Variants in HAP1 observed in about 807,000 individuals in gnomAD.
HAP1 encodes huntingtin-associated protein 1.
Under a neutral mutation model 60.3 loss-of-function variants are expected in HAP1, and 59 were observed. That is an observed-to-expected ratio of 0.98 (90% confidence interval 0.79 to 1.22). The LOEUF is 1.22. Ranked by LOEUF, HAP1 falls within the 50% of genes most tolerant of loss-of-function variation. HAP1 has a pLI of 0.00. For synonymous variants in HAP1, 346 were observed against 330.6 expected, an observed-to-expected ratio of 1.05 and a Z score of -0.50; for missense variants, 825 against 785.3, an observed-to-expected ratio of 1.05 and a Z score of -0.60.
At chr17:41,731,405 T>TCCTAGCTGTG in intron 6 of HAP1, 88 bp downstream of exon 6, 1 of 911,078 alleles carries the variant, frequency 1.1e-6, no homozygotes, top group Non-Finnish European at 1.9e-6. Flanking sequence ...GATCTGGGAC[T>TCCTAGCTGTG]TGAACTTGGA....
Position 41,724,474 on chromosome 17 carries a change from G to T in HAP1, c.*227C>A. The T allele has an allele frequency of 1.8e-6, 1 of 555,208 alleles. No individual in the cohort carries two copies. Among genetic ancestry groups the T allele is most frequent in the South Asian group, 2.5e-5 (1 of 40,388 alleles). The allele number at this position is 555,208 out of a possible 1,614,324, so 34.4% of individuals were successfully genotyped here. A position where few individuals can be genotyped will look rare whatever the true frequency, so the allele number is the denominator to read the frequency against. On this transcript the variant is annotated 3_prime_UTR_variant, in exon 11 of 11. Transcript: ENST00000347901. ...GATGGGAAGCTGAGGCGCAGTGTGGGGGCACAGTCCCAGCCCTAACCCCCA... is the reference window on the plus strand; with the variant it reads ...GATGGGAAGCTGAGGCGCAGTGTGGTGGCACAGTCCCAGCCCTAACCCCCA...
intron 9 of HAP1, 62 bp downstream of exon 9, chr17:41,726,990 AC>A (rs1412897811): frequency 4.0e-5 from 33 of 828,836 alleles, no homozygotes; most frequent in Non-Finnish European, 2.4e-5. Context: ...GTGAGGGCAA[AC>A]CCCCTCCCCA....
Position 41,732,753 on chromosome 17 carries a change from T to A in HAP1, c.515A>T (p.Glu172Val), listed in dbSNP as rs370524899. The A allele has an allele frequency of 5.6e-6, 9 of 1,613,228 alleles. No individual in the cohort carries two copies. In the African/African-American group the frequency reaches 1.2e-4, roughly 22 times the overall value. Reference protein sequence around the residue: ...LPPPVKKITQEDVKVMLYLLE... With the variant: ...LPPPVKKITQVDVKVMLYLLE... Reference sequence around the variant, plus strand: ...CAAATATAACATCACTTTGACGTCTTCCTGGGTGATCTTTTTGACTGGCGG... The same window carrying A: ...CAAATATAACATCACTTTGACGTCTACCTGGGTGATCTTTTTGACTGGCGG... Residue 172 changes from glutamate (E) to valine (V), a missense_variant, in exon 2 of 11, where the codon GAA (glutamate) becomes GTA (valine). Glu to Val is a moderately radical substitution (Grantham distance 121). Transcript: ENST00000347901.
intron 6 of HAP1, among the ~76,000 whole-genome samples, chr17:41,729,462 A>G (rs1469226822): frequency 1.4e-5 from 2 of 144,410 alleles, no homozygotes; most frequent in South Asian, 2.2e-4. Context: ...AGGCAGGAGA[A>G]TCGCTTAAAC....
At chr17:41,728,377 A>AG in intron 6 of HAP1, 46 bp from the exon 7 acceptor site, 1 of 1,597,866 alleles carries the variant, frequency 6.3e-7, no homozygotes, top group Non-Finnish European at 8.5e-7. Context: ...CCTGGCCTTC[A>AG]GGGACCAGCT....
At chr17:41,728,083 TCTCTGA>T (rs1215917176) in intron 7 of HAP1, 112 bp downstream of exon 7, 27 of 1,216,644 alleles carry the variant, frequency 2.2e-5, no homozygotes, top group Non-Finnish European at 3.0e-5. Flanking sequence ...CTCTCTGAGG[TCTCTGA>T]CTCTGACACA....
chr17:41,734,138 G>A, intron 1 of HAP1, 28 bp downstream of exon 1: 3 of 1,532,050 alleles, frequency 2.0e-6, no homozygotes, highest in Non-Finnish European at 2.6e-6. Context: ...GTCCCCACCC[G>A]GTCCAGGACC....
At position 41,732,023 on chromosome 17, in the gene HAP1, C is replaced by T. The variant is rs1555591187; in HGVS notation, c.810G>A (p.Glu270=). 5 of 1,521,336 alleles carry T rather than the reference C, an allele frequency of 3.3e-6. No individual in the cohort carries two copies. The South Asian group carries it at 3.4e-5, about 10-fold the overall frequency. 94.2% of individuals were successfully genotyped at this position (1,521,336 alleles called of 1,614,324 possible). ...DEEDEDEEEE[E]EEKEAEEEQE... ...GTTCCTCTTCTGCCTCCTTTTCTTC[C>T]TCCTCCTCTTCTTCATCCTCATCCT... The change falls in exon 4 of 11, where the codon GAG becomes GAA. Residue 270 remains glutamate (E), a synonymous_variant. Transcript: ENST00000347901.
chr17:41,725,725 A>G (rs1334415665), intron 10 of HAP1, 134 bp downstream of exon 10: 1 of 747,288 alleles, frequency 1.3e-6, no homozygotes, highest in East Asian at 2.5e-5. Context: ...TCCTTCCCAG[A>G]ACAGTTCTCA....
chr17:41,729,646 C>T (rs1452661071), intron 6 of HAP1, among the ~76,000 whole-genome samples: 3 of 137,132 alleles, frequency 2.2e-5, no homozygotes, highest in African/African-American at 8.3e-5. Context: ...GAGGCCAAGG[C>T]GGGAGGATCA....
rs564743743 is a variant in HAP1, at chr17:41,729,771, G to C, written c.1070-1440C>G. On this transcript the variant is annotated intron_variant, in intron 6 of 10. Transcript: ENST00000347901. Reference sequence around the variant, plus strand: ...CAGGCCTGTAATCCCAGCTACTCAGGAGGCTGAGGCAGGAGAATCACTTGA... The same window carrying C: ...CAGGCCTGTAATCCCAGCTACTCAGCAGGCTGAGGCAGGAGAATCACTTGA... Among the ~76,000 whole-genome samples, 21 of 149,660 alleles carry C rather than the reference G, an allele frequency of 1.4e-4. 1 individual carries two copies. In the South Asian group the frequency reaches 3.9e-3, roughly 28 times the overall value.
chr17:41,734,558 G>A lies in HAP1; in HGVS notation c.77C>T (p.Ala26Val), dbSNP rs1025612246. ...AGCGGGACTGGCTGAGGGCGAAGGT[G>A]CACAGGTGAGTGCTGCTGGGTCCCC... ...GPGDPAALTC[A>V]PSPSASPAPE... is the part of the protein sequence containing the mutation. The change falls in exon 1 of 11, where the codon GCA (alanine) becomes GTA (valine). Residue 26 changes from alanine to valine, a missense_variant. By Grantham distance (64) the Ala-to-Val change is moderately conservative. Coordinates refer to ENST00000347901, the MANE Select transcript of HAP1 (RefSeq NM_177977.3). 6 of 1,607,316 alleles carry A rather than the reference G, an allele frequency of 3.7e-6. No individual in the cohort carries two copies. Among genetic ancestry groups the A allele is most frequent in the Non-Finnish European group, 5.1e-6 (6 of 1,178,464 alleles).
At position 41,724,885 on chromosome 17, in the gene HAP1, G is replaced by A. The variant is rs746342307; in HGVS notation, c.1676C>T (p.Ala559Val). ...EATRMNVVTS[A>V]LEASGLGPSH... Reference sequence around the variant, plus strand: ...AGGGCCCAAGCCGCTGGCCTCCAGGGCTGATGTCACCACGTTCATCCGCGT... The same window carrying A: ...AGGGCCCAAGCCGCTGGCCTCCAGGACTGATGTCACCACGTTCATCCGCGT... Residue 559 changes from alanine (A) to valine (V), a missense_variant, in exon 11 of 11, where the codon GCC (alanine) becomes GTC (valine). Physicochemically the swap from Ala to Val is moderately conservative, Grantham distance 64 (BLOSUM62 0). Transcript: ENST00000347901. 5.0e-6 allele frequency: 8 copies of A among 1,613,590 alleles called. No homozygotes were observed. The African/African-American group carries it at 6.7e-5, about 13-fold the overall frequency.
chr17:41,730,720 A>G (rs1029344714), intron 6 of HAP1, among the ~76,000 whole-genome samples: 4 of 152,090 alleles, frequency 2.6e-5, no homozygotes, highest in African/African-American at 7.2e-5. Context: ...CACCAGCTAC[A>G]CTTGAACTCC....
intron 6 of HAP1, 69 bp from the exon 7 acceptor site, chr17:41,728,400 G>A: frequency 6.8e-7 from 1 of 1,480,182 alleles, no homozygotes; most frequent in South Asian, 1.2e-5. Context: ...GGCCCTCCCA[G>A]ATGCCTCTGT....
At chr17:41,721,226 A>G (rs565593012), downstream of HAP1, 1 of 152,478 alleles carries the variant, frequency 6.6e-6, no homozygotes, top group East Asian at 1.9e-4. Flanking sequence ...TATTTTTACT[A>G]TTCATATAAA....
intron 9 of HAP1, among the ~76,000 whole-genome samples, chr17:41,726,562 A>T (rs1384159984): frequency 6.7e-6 from 1 of 148,740 alleles, no homozygotes; most frequent in Admixed American, 6.7e-5. Flanking sequence ...ACTCGTCTCA[A>T]AAAAAAAAAA....
Position 41,724,504 on chromosome 17 carries a change from A to C in HAP1, c.*197T>G. 1 of 581,334 alleles carries C rather than the reference A, an allele frequency of 1.7e-6. No individual in the cohort carries two copies. 36.0% of individuals were successfully genotyped at this position (581,334 alleles called of 1,614,324 possible). On this transcript the variant is annotated 3_prime_UTR_variant, in exon 11 of 11. Transcript: ENST00000347901. ...CAGTCCCAGCCCTAACCCCCAGCCC[A>C]GCCCCCAGGAGAAAAGTGGATGGAG...
At chr17:41,732,444 TC>T in intron 2 of HAP1, 50 bp from the exon 3 acceptor site, 1 of 1,582,122 alleles carries the variant, frequency 6.3e-7, no homozygotes. Flanking sequence ...AAGAGAACCT[TC>T]CCCATCCCCT....
Sources: gnomAD v4.1 joint callset for allele counts (sites outside exome capture counted in the v4.1 genomes callset) on GRCh38, gnomAD v4.1.1 for gene constraint, MANE v1.5 for transcripts, NCBI Gene and HGNC (gene_info 2026-07-23, HGNC 2026-07-21) for gene names.